CIPC: variants seen among roughly 807,000 people sequenced by gnomAD.
CIPC encodes the protein CLOCK interacting pacemaker.
In CIPC, 12 loss-of-function variants were observed where a neutral mutation model predicts 26.7. The observed-to-expected ratio is 0.45, with a 90% CI of 0.29 to 0.73. The LOEUF (loss-of-function observed/expected upper bound fraction) is 0.73. Among genes scored for constraint, CIPC ranks in the 30% least tolerant of loss-of-function variants. CIPC has a pLI of 0.12. For synonymous variants in CIPC, 170 were observed against 189.8 expected (o/e 0.90, Z 0.86); for missense variants, 417 against 486.5 (o/e 0.86, Z 1.34).
At position 77,105,692 on chromosome 14, in the gene CIPC, C is replaced by T; in HGVS notation, c.-17C>T. The T allele has an allele frequency of 6.2e-7, 1 of 1,611,836 alleles. No individual in the cohort carries two copies. Among genetic ancestry groups the T allele is most frequent in the Non-Finnish European group, 8.5e-7 (1 of 1,179,152 alleles). On this transcript the variant is annotated 5_prime_UTR_variant, in exon 2 of 4. Coordinates refer to ENST00000361786, the MANE Select transcript of CIPC (RefSeq NM_033426.3). ...ATGAAAAGAGTACCAATGAATCTGCCTCCAGCTGAATAAACCATGGAGAGG... is the reference window on the plus strand; with the variant it reads ...ATGAAAAGAGTACCAATGAATCTGCTTCCAGCTGAATAAACCATGGAGAGG...
At chr14:77,103,703 C>T (rs1886536814) in intron 1 of CIPC, among the ~76,000 whole-genome samples, 1 of 152,224 alleles carries the variant, frequency 6.6e-6, no homozygotes, top group African/African-American at 2.4e-5. Context: ...CTGCTGTGGA[C>T]TAGCTGTTTA....
chr14:77,109,713 T>G, intron 2 of CIPC, 99 bp from the exon 3 acceptor site: 1 of 1,056,554 alleles, frequency 9.5e-7, no homozygotes, highest in Non-Finnish European at 1.4e-6. Flanking sequence ...ACATCACAAG[T>G]GTTGCATTCA....
chr14:77,102,134 G>A (rs1323313177), intron 1 of CIPC, among the ~76,000 whole-genome samples: 2 of 152,074 alleles, frequency 1.3e-5, no homozygotes, highest in Non-Finnish European at 2.9e-5. Flanking sequence ...AATAGTAATG[G>A]ACTGAGGTGG....
At chr14:77,108,749 C>T (rs184113682) in intron 2 of CIPC, among the ~76,000 whole-genome samples, 7 of 152,164 alleles carry the variant, frequency 4.6e-5, no homozygotes, top group African/African-American at 1.7e-4. Context: ...CATTAGCTGA[C>T]ATTCTTCTGT....
intron 1 of CIPC, among the ~76,000 whole-genome samples, chr14:77,101,345 A>T (rs1206206720): frequency 6.6e-6 from 1 of 152,202 alleles, no homozygotes; most frequent in Non-Finnish European, 1.5e-5. Context: ...GGAGGGATGT[A>T]GCCCTTTGTT....
chr14:77,108,151 T>C (rs183476679), intron 2 of CIPC, among the ~76,000 whole-genome samples: 79 of 152,354 alleles, frequency 5.2e-4, no homozygotes, highest in African/African-American at 1.8e-3. Context: ...TCCTTCCCAT[T>C]GCAACACATT....
At chr14:77,102,299 C>A (rs1307982390) in intron 1 of CIPC, among the ~76,000 whole-genome samples, 1 of 152,014 alleles carries the variant, frequency 6.6e-6, no homozygotes, top group African/African-American at 2.4e-5. Flanking sequence ...GCCAGGAAGT[C>A]GAGGCTGCAG....
Position 77,109,912 on chromosome 14 carries a change from CAAAACTGCA to C in CIPC, c.240_248del (p.Thr81_Lys83del). On this transcript the variant is annotated inframe_deletion, in exon 3 of 4. Coordinates refer to ENST00000361786, the MANE Select transcript of CIPC (RefSeq NM_033426.3). ...GAGAAGACAGGCCGAGGCAGAACTCCAAAACTGCAAAGAATGCCTTCCCTACCCTGTCTC... is the reference window on the plus strand; with the variant it reads ...GAGAAGACAGGCCGAGGCAGAACTCCAAGAATGCCTTCCCTACCCTGTCTC... 6.2e-7 allele frequency: 1 copy of C among 1,614,168 alleles called. No homozygotes were observed. The highest frequency in any genetic ancestry group is 8.5e-7 in the Non-Finnish European group (1 of 1,180,040).
At chr14:77,111,658 A>C (rs1886703913) in intron 3 of CIPC, among the ~76,000 whole-genome samples, 1 of 152,220 alleles carries the variant, frequency 6.6e-6, no homozygotes, top group Admixed American at 6.5e-5. Context: ...CAAGTCTAAA[A>C]TTTTGTTCTG....
chr14:77,110,127 G>A (rs1372085410), intron 3 of CIPC, 146 bp downstream of exon 3: 4 of 701,950 alleles, frequency 5.7e-6, no homozygotes, highest in Non-Finnish European at 9.2e-6. Flanking sequence ...TTCTGTCCTG[G>A]GGAGCGGATG....
intron 3 of CIPC, among the ~76,000 whole-genome samples, chr14:77,111,704 T>C (rs1886704828): frequency 6.6e-6 from 1 of 152,254 alleles, no homozygotes; most frequent in East Asian, 1.9e-4. Flanking sequence ...AATAATACAA[T>C]TTGTAAAATC....
chr14:77,106,581 G>GTGATGCTGAGGGA (rs1425119698), intron 2 of CIPC, among the ~76,000 whole-genome samples: 2 of 152,158 alleles, frequency 1.3e-5, no homozygotes, highest in African/African-American at 2.4e-5. Flanking sequence ...ATGCAGAGGG[G>GTGATGCTGAGGGA]TGATGCTGAG....
intron 2 of CIPC, among the ~76,000 whole-genome samples, chr14:77,108,870 A>G (rs1009973205): frequency 6.6e-6 from 1 of 152,124 alleles, no homozygotes; most frequent in Non-Finnish European, 1.5e-5. Flanking sequence ...TGATACTCAA[A>G]TTGTCTCAAA....
intron 1 of CIPC, among the ~76,000 whole-genome samples, chr14:77,104,246 A>G (rs566575231): frequency 5.9e-5 from 9 of 152,226 alleles, no homozygotes; most frequent in African/African-American, 2.2e-4. Context: ...AAAATTAGCC[A>G]GGTGTGGTGC....
rs949915208 is a variant in CIPC, at chr14:77,114,896, C to G, written c.*578C>G. 2 of 153,048 alleles carry G rather than the reference C, an allele frequency of 1.3e-5. No individual in the cohort carries two copies. The highest frequency in any genetic ancestry group is 4.8e-5 in the African/African-American group (2 of 41,466). The allele number at this position is 153,048 out of a possible 1,614,324, so 9.5% of individuals were successfully genotyped here. A position where few individuals can be genotyped will look rare whatever the true frequency, so the allele number is the denominator to read the frequency against. ...AATCACTCAACGCTTTGTTTTCTTA[C>G]ACTTGAAAATCAAGGGAAAGAGTAG... is the stretch of plus-strand genomic sequence containing the variant. On this transcript the variant is annotated 3_prime_UTR_variant, in exon 4 of 4. Coordinates refer to ENST00000361786, the MANE Select transcript of CIPC (RefSeq NM_033426.3).
intron 1 of CIPC, among the ~76,000 whole-genome samples, chr14:77,101,727 T>C (rs1451452121): frequency 6.6e-6 from 1 of 152,190 alleles, no homozygotes; most frequent in Non-Finnish European, 1.5e-5. Flanking sequence ...CAGGGAAAAC[T>C]GTCTATTTTT....
chr14:77,113,022 CT>C (rs927439452), intron 3 of CIPC, among the ~76,000 whole-genome samples: 1 of 152,166 alleles, frequency 6.6e-6, no homozygotes, highest in African/African-American at 2.4e-5. Context: ...CAATATGTTA[CT>C]TTTTAATCAA....
chr14:77,099,253 G>T (rs527783665), intron 1 of CIPC: 27 of 152,448 alleles, frequency 1.8e-4, no homozygotes, highest in African/African-American at 6.3e-4. Context: ...ATCGGAGAAA[G>T]TTCTCTAAGC....
rs940687259 is a variant in CIPC at position 77,109,708 on chromosome 14, A to C, written c.137-104A>C. On this transcript the variant is annotated intron_variant, in intron 2 of 3. Coordinates refer to ENST00000361786, the MANE Select transcript of CIPC (RefSeq NM_033426.3). Reference sequence around the variant, plus strand: ...TCAATAAAATTCACAAAAACACATCACAAGTGTTGCATTCAATTTCAAGAG... The same window carrying C: ...TCAATAAAATTCACAAAAACACATCCCAAGTGTTGCATTCAATTTCAAGAG... The C allele has an allele frequency of 2.9e-6, 3 of 1,030,010 alleles. No individual in the cohort carries two copies. The African/African-American group carries it at 4.8e-5, about 16-fold the overall frequency. 63.8% of individuals were successfully genotyped at this position (1,030,010 alleles called of 1,614,324 possible). A position where few individuals can be genotyped will look rare whatever the true frequency, so the allele number is the denominator to read the frequency against.
Sources: gnomAD v4.1 joint callset for allele counts (sites outside exome capture counted in the v4.1 genomes callset) on GRCh38, gnomAD v4.1.1 for gene constraint, MANE v1.5 for transcripts, NCBI Gene and HGNC (gene_info 2026-07-23, HGNC 2026-07-21) for gene names.